The following DMD variants were observed in gnomAD, a reference collection of about 807,000 sequenced individuals.
DMD encodes the protein dystrophin.
In DMD, 63 loss-of-function variants were observed where a neutral mutation model predicts 330.1. That is an observed-to-expected ratio of 0.19 (90% confidence interval 0.16 to 0.24). The LOEUF (loss-of-function observed/expected upper bound fraction) is 0.24, where lower values mean the gene tolerates loss of function less well. DMD is among the 10% of genes least tolerant of loss of function. The pLI, the probability that DMD is intolerant of heterozygous loss-of-function variation, is 1.00. For synonymous variants in DMD, 1,223 were observed against 959.8 expected, an observed-to-expected ratio of 1.27 and a Z score of -5.07; for missense variants, 3,344 against 2,684.1, an observed-to-expected ratio of 1.25 and a Z score of -5.43.
chrX:31,629,227 T>C (rs1449567893), intron 54 of DMD, among the ~76,000 whole-genome samples: 1 of 111,945 alleles, frequency 8.9e-6, no homozygotes, highest in Non-Finnish European at 1.9e-5. Flanking sequence ...TCAATAATTA[T>C]GCAAAACTGC....
chrX:32,604,099 C>G (rs2056464248), intron 12 of DMD, among the ~76,000 whole-genome samples: 1 of 110,494 alleles, frequency 9.1e-6, no homozygotes. Context: ...AAATCCTCAA[C>G]AGAATGCTAG....
At chrX:31,866,043 C>T (rs2093793903) in intron 48 of DMD, among the ~76,000 whole-genome samples, 1 of 111,321 alleles carries the variant, frequency 9.0e-6, no homozygotes, top group Non-Finnish European at 1.9e-5. Flanking sequence ...AGATGAACTT[C>T]AATGGCCTCT....
chrX:32,001,149 T>C (rs989551014), intron 44 of DMD, among the ~76,000 whole-genome samples: 1 of 111,427 alleles, frequency 9.0e-6, no homozygotes, highest in Non-Finnish European at 1.9e-5. Context: ...AGGAAACTTT[T>C]TGAAGTGATA....
intron 7 of DMD, among the ~76,000 whole-genome samples, chrX:32,753,594 A>G (rs1394720453): frequency 8.9e-6 from 1 of 112,168 alleles, no homozygotes; most frequent in Non-Finnish European, 1.9e-5. Context: ...GTGTTCTATA[A>G]CATTTAATTG....
In DMD at chrX:32,513,988, T is replaced by C. The variant is rs185899933; in HGVS notation, c.2292+4020A>G. Among the ~76,000 whole-genome samples, 4 of 111,364 alleles carry C rather than the reference T, an allele frequency of 3.6e-5. No individual in the cohort carries two copies. The Admixed American group carries it at 3.8e-4, about 11-fold the overall frequency. The stretch of plus-strand genomic sequence containing the variant: ...AATAGGTTCTAGTTCTACAGAGGGA[T>C]TGAGTAAGATAAGGCACGTTAAGTA... On this transcript the variant is annotated intron_variant, in intron 18 of 78. Transcript: ENST00000357033.
At chrX:32,868,745 C>T (rs1240451967) in intron 2 of DMD, among the ~76,000 whole-genome samples, 2 of 112,197 alleles carry the variant, frequency 1.8e-5, no homozygotes, top group Admixed American at 9.3e-5. Flanking sequence ...GAAAGAACTC[C>T]GATTCCCCTG....
At chrX:33,190,990 ATATAATATATAATATTAT>A (rs1304647775) in intron 1 of DMD, among the ~76,000 whole-genome samples, 20 of 1,034 alleles carry the variant, frequency 0.019, 3 homozygotes, top group East Asian at 0.14. Flanking sequence ...ATATATATAT[ATATAATATATAATATTAT>A]ATATATATAT....
intron 74 of DMD, among the ~76,000 whole-genome samples, chrX:31,166,187 A>T (rs1436487033): frequency 8.9e-6 from 1 of 112,204 alleles, no homozygotes; most frequent in Admixed American, 9.4e-5. Flanking sequence ...TTCAACAAAT[A>T]TTTATTGAAT....
chrX:32,034,207 C>T (rs1447465320), intron 44 of DMD, among the ~76,000 whole-genome samples: 1 of 111,624 alleles, frequency 9.0e-6, no homozygotes, highest in Non-Finnish European at 1.9e-5. Flanking sequence ...TTCTTTATTT[C>T]TGGCAATATA....
intron 44 of DMD, among the ~76,000 whole-genome samples, chrX:32,138,150 T>A (rs2096736043): frequency 9.0e-6 from 1 of 111,018 alleles, no homozygotes; most frequent in Non-Finnish European, 1.9e-5. Context: ...CAAAGCTGTT[T>A]GATTAGGCCT....
intron 43 of DMD, among the ~76,000 whole-genome samples, chrX:32,259,860 T>C (rs1303797638): frequency 4.5e-5 from 5 of 111,241 alleles, no homozygotes; most frequent in African/African-American, 1.3e-4. Flanking sequence ...TAGGAGACAG[T>C]AAAAATAAGT....
chrX:31,504,419 T>C (rs2070728178), intron 56 of DMD, among the ~76,000 whole-genome samples: 1 of 112,098 alleles, frequency 8.9e-6, no homozygotes, highest in African/African-American at 3.2e-5. Flanking sequence ...TTTTGAAATA[T>C]AAGAGCAGTT....
chrX:32,621,611 C>T (rs1289294960), intron 11 of DMD, among the ~76,000 whole-genome samples: 1 of 110,177 alleles, frequency 9.1e-6, no homozygotes, highest in Admixed American at 9.7e-5. Flanking sequence ...AGGCGCGAGT[C>T]CCCGAACCCA....
intron 1 of DMD, among the ~76,000 whole-genome samples, chrX:33,094,268 G>A (rs1299683646): frequency 1.8e-5 from 2 of 111,478 alleles, no homozygotes; most frequent in Non-Finnish European, 3.8e-5. Flanking sequence ...CAGGCCCTGA[G>A]TGAGTTCTGG....
intron 44 of DMD, among the ~76,000 whole-genome samples, chrX:32,140,707 G>A (rs2096748310): frequency 9.0e-6 from 1 of 111,349 alleles, no homozygotes; most frequent in South Asian, 3.8e-4. Context: ...CATGGAAGCA[G>A]AAGAGAAAAT....
chrX:31,876,523 G>A (rs112173655), intron 47 of DMD, among the ~76,000 whole-genome samples: 10 of 111,024 alleles, frequency 9.0e-5, no homozygotes, highest in African/African-American at 2.9e-4. Flanking sequence ...TTATTAAGTA[G>A]CAGTGATTAT....
At chrX:32,786,093 G>A (rs773000102) in intron 7 of DMD, among the ~76,000 whole-genome samples, 1 of 104,153 alleles carries the variant, frequency 9.6e-6, no homozygotes, top group African/African-American at 3.7e-5. Context: ...AAGAGTGTGT[G>A]TGTGTGTGTG....
intron 66 of DMD, among the ~76,000 whole-genome samples, chrX:31,205,778 T>C (rs963788977): frequency 1.8e-5 from 2 of 112,679 alleles, no homozygotes; most frequent in African/African-American, 6.5e-5. Context: ...GTGGCTTTTA[T>C]CTCCTGCCTG....
chrX:32,859,435 T>C (rs2081883090), intron 2 of DMD, among the ~76,000 whole-genome samples: 1 of 104,209 alleles, frequency 9.6e-6, no homozygotes, highest in Non-Finnish European at 2.0e-5. Context: ...GCCACTGCAC[T>C]CCGGCCTTTG....
Sources: gnomAD v4.1 joint callset for allele counts (sites outside exome capture counted in the v4.1 genomes callset) on GRCh38, gnomAD v4.1.1 for gene constraint, MANE v1.5 for transcripts, NCBI Gene and HGNC (gene_info 2026-07-23, HGNC 2026-07-21) for gene names.